Variants in MMS22L observed in about 807,000 individuals in gnomAD.
MMS22L encodes the protein MMS22 like, DNA repair protein, also known as protein MMS22-like.
MMS22L carries 74 observed loss-of-function variants against 159.1 expected under a neutral mutation model. The observed-to-expected ratio is 0.47, with a 90% CI of 0.39 to 0.56. The LOEUF (loss-of-function observed/expected upper bound fraction) is 0.56, where lower values mean the gene tolerates loss of function less well. Ranked by LOEUF, MMS22L falls within the 20% of genes least tolerant of loss-of-function variation. MMS22L has a pLI of 0.00. For missense variants in MMS22L, 1,351 were observed against 1,422.1 expected (o/e 0.95, Z 0.80); for synonymous variants, 517 against 506.9 (o/e 1.02, Z -0.27).
rs377000877 is a variant in MMS22L at position 97,251,210 on chromosome 6, C to T, written c.1119+3347G>A. ...CAAAATGGAACACATGGTTACCCTACCAAAGACCTATTCGTAAGAGGCAAT... is the reference window on the plus strand; with the variant it reads ...CAAAATGGAACACATGGTTACCCTATCAAAGACCTATTCGTAAGAGGCAAT... On this transcript the variant is annotated intron_variant, in intron 10 of 24. Coordinates refer to ENST00000683635, the MANE Select transcript of MMS22L (RefSeq NM_001350599.2). Among the ~76,000 whole-genome samples, 4 of 152,070 alleles carry T rather than the reference C, an allele frequency of 2.6e-5. No individual in the cohort carries two copies. In the East Asian group the frequency reaches 7.7e-4, roughly 29 times the overall value.
chr6:97,196,040 G>A (rs896103184), intron 14 of MMS22L, among the ~76,000 whole-genome samples: 1 of 152,028 alleles, frequency 6.6e-6, no homozygotes, highest in African/African-American at 2.4e-5. Flanking sequence ...TAACACTATC[G>A]AAAATATTTT....
At chr6:97,271,699 T>C (rs1438170013) in intron 6 of MMS22L, 1 of 152,208 alleles carries the variant, frequency 6.6e-6, no homozygotes, top group African/African-American at 2.4e-5. Context: ...TGAGATAGGG[T>C]CTTGCTCTGT....
At chr6:97,244,157 CTGTTA>C (rs1342325886) in intron 11 of MMS22L, among the ~76,000 whole-genome samples, 3 of 152,148 alleles carry the variant, frequency 2.0e-5, no homozygotes, top group South Asian at 2.1e-4. Context: ...CAGGGTTGTT[CTGTTA>C]TGAGTTGCCG....
chr6:97,278,220 T>C (rs966643647), intron 4 of MMS22L, among the ~76,000 whole-genome samples: 4 of 151,928 alleles, frequency 2.6e-5, no homozygotes, highest in Non-Finnish European at 2.9e-5. Flanking sequence ...CTGGCCAAAA[T>C]GGCAAAATCC....
chr6:97,217,725 T>C (rs900262305), intron 14 of MMS22L, among the ~76,000 whole-genome samples: 8 of 152,168 alleles, frequency 5.3e-5, no homozygotes, highest in Non-Finnish European at 1.0e-4. Context: ...TTGTGAAAGC[T>C]TTGATATCTT....
At chr6:97,253,459 A>ACT (rs1813448416) in intron 10 of MMS22L, 1 of 124,452 alleles carries the variant, frequency 8.0e-6, no homozygotes, top group East Asian at 2.2e-4. Flanking sequence ...AGGTATCTGG[A>ACT]TTTTTTTTTT....
intron 18 of MMS22L, among the ~76,000 whole-genome samples, chr6:97,175,501 C>T (rs923364552): frequency 6.6e-6 from 1 of 152,140 alleles, no homozygotes; most frequent in Non-Finnish European, 1.5e-5. Flanking sequence ...TGTCAATAAA[C>T]ATTTTATATT....
intron 14 of MMS22L, among the ~76,000 whole-genome samples, chr6:97,193,566 T>G (rs1162232267): frequency 6.6e-6 from 1 of 152,212 alleles, no homozygotes. Flanking sequence ...CACTTCCTTG[T>G]TATTATTGTA....
intron 15 of MMS22L, among the ~76,000 whole-genome samples, chr6:97,183,287 T>C (rs1582505769): frequency 2.0e-5 from 3 of 152,164 alleles, no homozygotes; most frequent in African/African-American, 7.2e-5. Flanking sequence ...CTTGATTGCA[T>C]GGTCCATTAT....
At chr6:97,272,575 G>T (rs2128093351) in intron 6 of MMS22L, 129 bp downstream of exon 6, 1 of 760,096 alleles carries the variant, frequency 1.3e-6, no homozygotes, top group Non-Finnish European at 2.1e-6. Flanking sequence ...AGGATGGGGG[G>T]CAAGAATTTC....
rs946732419 is a variant in MMS22L, at chr6:97,273,252, T to C, written c.341-190A>G. ...ATTAAAGTCACCAATCACACCCACA[T>C]TGCCCAATCTAATAGACAGTGCCTA... On this transcript the variant is annotated intron_variant, in intron 4 of 24. Coordinates refer to ENST00000683635, the MANE Select transcript of MMS22L (RefSeq NM_001350599.2). 1.6e-5 allele frequency: 9 copies of C among 579,214 alleles called. No homozygotes were observed. The East Asian group carries it at 2.6e-4, about 17-fold the overall frequency. The allele number at this position is 579,214 out of a possible 1,614,324, so 35.9% of individuals were successfully genotyped here. A position where few individuals can be genotyped will look rare whatever the true frequency, so the allele number is the denominator to read the frequency against.
chr6:97,221,353 G>A (rs1186624328), intron 14 of MMS22L, among the ~76,000 whole-genome samples: 1 of 151,980 alleles, frequency 6.6e-6, no homozygotes, highest in African/African-American at 2.4e-5. Context: ...ATTCCTATGC[G>A]TGAAAAACTG....
intron 14 of MMS22L, among the ~76,000 whole-genome samples, chr6:97,213,653 T>C (rs959909699): frequency 6.6e-6 from 1 of 152,178 alleles, no homozygotes; most frequent in African/African-American, 2.4e-5. Flanking sequence ...CTTTGCAAGA[T>C]ACATAAATTT....
Position 97,162,023 on chromosome 6 carries a change from C to T in MMS22L, c.3364G>A (p.Val1122Met), listed in dbSNP as rs1377013954. 6.2e-6 allele frequency: 10 copies of T among 1,610,686 alleles called. No homozygotes were observed. The Admixed American group carries it at 1.5e-4, about 24-fold the overall frequency. The stretch of plus-strand genomic sequence containing the variant: ...AAACCTTGTGGTTCACTGACTAACA[C>T]CAAGCATTTTAAAATGCCAGGGAGG... ...LLLPGILKCL[V>M]LVSEPQVKRL... The change falls in exon 22 of 25, where the codon GTG (valine) becomes ATG (methionine). Residue 1122 changes from valine to methionine, a missense_variant. Physicochemically the swap from Val to Met is conservative, Grantham distance 21. Coordinates refer to ENST00000683635, the MANE Select transcript of MMS22L (RefSeq NM_001350599.2).
At chr6:97,151,893 G>GCACT in intron 22 of MMS22L, 26 bp from the exon 23 acceptor site, 1 of 1,568,514 alleles carries the variant, frequency 6.4e-7, no homozygotes. Flanking sequence ...ACAGCATTAG[G>GCACT]CACTGTGTCT....
rs762706264 is a variant in MMS22L at position 97,282,419 on chromosome 6, C to T, written c.59G>A (p.Gly20Glu). The change falls in exon 2 of 25, where the codon GGG becomes GAG. Residue 20 changes from glycine (G) to glutamate (E), a missense_variant. Physicochemically the swap from Gly to Glu is moderately conservative, Grantham distance 98. Transcript: ENST00000683635. ...FLTDSLELEL[G>E]TEWCKPPYFS... ...GTAAGGAGGTTTGCACCATTCCGTC[C>T]CCAGCTCCAGCTCTAAGCTGTCAGT... The T allele has an allele frequency of 1.9e-6, 3 of 1,614,098 alleles. No individual in the cohort carries two copies. The highest frequency in any genetic ancestry group is 1.7e-5 in the Admixed American group (1 of 60,014).
chr6:97,190,166 C>A (rs1431580555), intron 14 of MMS22L, among the ~76,000 whole-genome samples: 1 of 152,102 alleles, frequency 6.6e-6, no homozygotes, highest in Non-Finnish European at 1.5e-5. Context: ...AGCTCTGTCA[C>A]TAGAGGTAAC....
intron 14 of MMS22L, among the ~76,000 whole-genome samples, chr6:97,223,629 A>G (rs930403746): frequency 6.6e-6 from 1 of 152,102 alleles, no homozygotes; most frequent in East Asian, 1.9e-4. Flanking sequence ...TGAATACCTA[A>G]ATAACTTTTT....
rs1800749496 is a variant in MMS22L at position 97,143,788 on chromosome 6, A to G, written c.*3018T>C. 1.3e-5 allele frequency: 2 copies of G among 152,220 alleles called. No individual in the cohort carries two copies. The highest frequency in any genetic ancestry group is 4.8e-5 in the African/African-American group (2 of 41,422). The allele number at this position is 152,220 out of a possible 1,614,324, so 9.4% of individuals were successfully genotyped here. ...TCTGAGATTTCAGGAGACTCCAACT[A>G]CAGAGGTTTAGAGATGAATTAGCAC... is the stretch of plus-strand genomic sequence containing the variant. On this transcript the variant is annotated 3_prime_UTR_variant, in exon 25 of 25. Coordinates refer to ENST00000683635, the MANE Select transcript of MMS22L (RefSeq NM_001350599.2).
Sources: gnomAD v4.1 joint callset for allele counts (sites outside exome capture counted in the v4.1 genomes callset) on GRCh38, gnomAD v4.1.1 for gene constraint, MANE v1.5 for transcripts, NCBI Gene and HGNC (gene_info 2026-07-23, HGNC 2026-07-21) for gene names.